Variants in DIS3L2 observed in about 807,000 individuals in gnomAD.
The protein encoded by DIS3L2 is DIS3 like 3'-5' exoribonuclease 2, also known as DIS3-like exonuclease 2.
DIS3L2 carries 34 observed loss-of-function variants against 97.5 expected under a neutral mutation model. The ratio of observed to expected loss-of-function variants is 0.35; its 90% CI spans 0.27 to 0.46. The LOEUF is 0.46. DIS3L2 is among the 20% of genes least tolerant of loss of function. DIS3L2 has a pLI of 1.00. For missense variants in DIS3L2, 1,038 were observed against 1,146.0 expected (o/e 0.91, Z 1.36); for synonymous variants, 435 against 445.2 (o/e 0.98, Z 0.29).
chr2:231,983,960 C>G (rs1693335437), intron 1 of DIS3L2, among the ~76,000 whole-genome samples: 1 of 149,960 alleles, frequency 6.7e-6, no homozygotes, highest in Admixed American at 6.7e-5. Context: ...ACAGAGTTTT[C>G]TAATTATTAT....
intron 6 of DIS3L2, among the ~76,000 whole-genome samples, chr2:232,089,881 C>A (rs147782579): frequency 1.7e-4 from 26 of 152,106 alleles, no homozygotes; most frequent in Non-Finnish European, 2.9e-4. Context: ...CAGAGTTTTG[C>A]GAAACTCTGA....
intron 8 of DIS3L2, among the ~76,000 whole-genome samples, chr2:232,143,609 C>T (rs1050176232): frequency 4.6e-5 from 7 of 151,950 alleles, no homozygotes; most frequent in Non-Finnish European, 1.0e-4. Flanking sequence ...CCCCCGGAAA[C>T]GATCACTATT....
chr2:232,098,981 A>G (rs1405714483), intron 6 of DIS3L2, among the ~76,000 whole-genome samples: 1 of 152,134 alleles, frequency 6.6e-6, no homozygotes, highest in Non-Finnish European at 1.5e-5. Flanking sequence ...TTATTAAGGC[A>G]AATCTTTATT....
At chr2:232,270,860 G>GTCTCTCTCTC (rs71056262) in intron 13 of DIS3L2, among the ~76,000 whole-genome samples, 218 of 103,806 alleles carry the variant, frequency 2.1e-3, no homozygotes, top group Middle Eastern at 4.9e-3. Context: ...TCTTTTTCTC[G>GTCTCTCTCTC]TCTCTCTCTC....
chr2:232,318,135 C>A (rs533178540), intron 14 of DIS3L2, among the ~76,000 whole-genome samples: 1 of 152,298 alleles, frequency 6.6e-6, no homozygotes, highest in East Asian at 1.9e-4. Context: ...TCCACAGAGG[C>A]CAGAGGCCAG....
At chr2:232,182,984 C>G (rs949534045) in intron 9 of DIS3L2, among the ~76,000 whole-genome samples, 1 of 152,082 alleles carries the variant, frequency 6.6e-6, no homozygotes, top group Non-Finnish European at 1.5e-5. Context: ...CCTCTAAGTT[C>G]GTAGGTTGAA....
At chr2:232,331,880 G>A (rs564581270) in intron 16 of DIS3L2, 15 of 152,424 alleles carry the variant, frequency 9.8e-5, no homozygotes, top group African/African-American at 3.6e-4. Context: ...CTCCCAGGGA[G>A]CTCAGAGGTG....
rs997917557 is a variant in DIS3L2 at position 232,122,784 on chromosome 2, C to T, written c.602-7835C>T. ...ACAACAACAAAAACATTAATAGTAG[C>T]TAACAATTGTTAAAAAATATACTTG... is the stretch of plus-strand genomic sequence containing the variant. On this transcript the variant is annotated intron_variant, in intron 6 of 20. Coordinates refer to ENST00000325385, the MANE Select transcript of DIS3L2 (RefSeq NM_152383.5). 1.1e-4 allele frequency among the ~76,000 whole-genome samples: 17 copies of T among 152,208 alleles called. No individual in the cohort carries two copies. The East Asian group carries it at 1.2e-3, about 10-fold the overall frequency.
rs191593308 is a variant in DIS3L2 at position 232,264,150 on chromosome 2, C to T, written c.1659+710C>T. On this transcript the variant is annotated intron_variant, in intron 13 of 20. Coordinates refer to ENST00000325385, the MANE Select transcript of DIS3L2 (RefSeq NM_152383.5). Reference sequence around the variant, plus strand: ...ATCCCTTGGATGCACAGTTCACAATCGAGTTTGAGCTCCTATGAGAATCTA... The same window carrying T: ...ATCCCTTGGATGCACAGTTCACAATTGAGTTTGAGCTCCTATGAGAATCTA... Among the ~76,000 whole-genome samples, 373 of 152,304 alleles carry T rather than the reference C, an allele frequency of 2.4e-3. 6 individuals are homozygous for T. Among genetic ancestry groups the T allele is most frequent in the Non-Finnish European group, 1.6e-3 (111 of 68,034 alleles).
intron 5 of DIS3L2, among the ~76,000 whole-genome samples, chr2:232,040,639 C>A (rs1695084628): frequency 6.6e-6 from 1 of 152,138 alleles, no homozygotes; most frequent in African/African-American, 2.4e-5. Flanking sequence ...CATATATAAA[C>A]CCTGTGGGTG....
chr2:232,334,332 C>T (rs1275222720), intron 17 of DIS3L2, 37 bp from the exon 18 acceptor site: 1 of 1,607,282 alleles, frequency 6.2e-7, no homozygotes, highest in Non-Finnish European at 8.5e-7. Flanking sequence ...CCCAGCCCCC[C>T]AGGCTCCCAC....
intron 13 of DIS3L2, among the ~76,000 whole-genome samples, chr2:232,291,153 T>C (rs1315418050): frequency 1.3e-5 from 2 of 152,192 alleles, no homozygotes; most frequent in Non-Finnish European, 2.9e-5. Flanking sequence ...ATTTAATACA[T>C]TGCCATAGAA....
intron 9 of DIS3L2, 61 bp from the exon 10 acceptor site, chr2:232,210,265 A>C: frequency 7.7e-7 from 1 of 1,307,108 alleles, no homozygotes; most frequent in Non-Finnish European, 1.1e-6. Context: ...AAGCTGTACT[A>C]TGGTGGGGTA....
At chr2:232,239,979 C>G (rs900022818) in intron 11 of DIS3L2, among the ~76,000 whole-genome samples, 1 of 152,196 alleles carries the variant, frequency 6.6e-6, no homozygotes, top group African/African-American at 2.4e-5. Context: ...AAGTTTAGTT[C>G]CCCCAGTGTA....
At chr2:232,216,029 C>T (rs1056570211) in intron 10 of DIS3L2, among the ~76,000 whole-genome samples, 4 of 152,208 alleles carry the variant, frequency 2.6e-5, no homozygotes, top group African/African-American at 9.7e-5. Context: ...GCTGTACCAC[C>T]TGAAGTCTCC....
chr2:232,124,194 A>C (rs1697988911), intron 6 of DIS3L2, among the ~76,000 whole-genome samples: 1 of 152,204 alleles, frequency 6.6e-6, no homozygotes, highest in Non-Finnish European at 1.5e-5. Flanking sequence ...AAAGACAAGA[A>C]CCATAAGAAA....
chr2:232,135,363 A>G (rs1446186491), intron 7 of DIS3L2, among the ~76,000 whole-genome samples: 1 of 152,126 alleles, frequency 6.6e-6, no homozygotes, highest in Non-Finnish European at 1.5e-5. Flanking sequence ...ATGGGAAAAC[A>G]TGGACACCCA....
chr2:232,281,779 C>T lies in DIS3L2; in HGVS notation c.1660-18261C>T, dbSNP rs957199054. ...GTGGAGACCCTCCAGGCTTGAGGTG[C>T]GTGAGCTGCCCACTTAAAGACGCTT... On this transcript the variant is annotated intron_variant, in intron 13 of 20. Coordinates refer to ENST00000325385, the MANE Select transcript of DIS3L2 (RefSeq NM_152383.5). The surrounding 1 kb of genome is among the most constrained non-coding windows in gnomAD (Gnocchi z 4.1). 2.0e-5 allele frequency among the ~76,000 whole-genome samples: 3 copies of T among 152,160 alleles called. No homozygotes were observed. The highest frequency in any genetic ancestry group is 2.9e-5 in the Non-Finnish European group (2 of 68,034).
chr2:232,098,689 A>G lies in DIS3L2; in HGVS notation c.601+10968A>G, dbSNP rs138041247. Among the ~76,000 whole-genome samples, 392 of 152,166 alleles carry G rather than the reference A, an allele frequency of 2.6e-3. 2 individuals are homozygous for G. Among genetic ancestry groups the G allele is most frequent in the African/African-American group, 8.9e-3 (368 of 41,520 alleles). On this transcript the variant is annotated intron_variant, in intron 6 of 20. Transcript: ENST00000325385. The stretch of plus-strand genomic sequence containing the variant: ...ATTTTTGTAATATAGATTAAGTTCT[A>G]TTAATTGCTTTTTTAATATCATTTG...
Sources: gnomAD v4.1 joint callset for allele counts (sites outside exome capture counted in the v4.1 genomes callset) on GRCh38, gnomAD v4.1.1 for gene constraint, Gnocchi (gnomAD v3.1) non-coding constraint, MANE v1.5 for transcripts, NCBI Gene and HGNC (gene_info 2026-07-23, HGNC 2026-07-21) for gene names.